Variants in ATP6V0D1 observed in about 807,000 individuals in gnomAD.
The protein encoded by ATP6V0D1 is V-type proton ATPase subunit d 1.
ATP6V0D1 carries 13 observed loss-of-function variants against 39.0 expected under a neutral mutation model. The observed-to-expected ratio is 0.33, with a 90% confidence interval of 0.22 to 0.53. The LOEUF is 0.53. Among genes scored for constraint, ATP6V0D1 ranks in the 20% least tolerant of loss-of-function variants. ATP6V0D1 has a pLI of 0.94. For synonymous variants in ATP6V0D1, 191 were observed against 191.2 expected (o/e 1.00, Z 0.01); for missense variants, 272 against 470.9 (o/e 0.58, Z 3.91).
intron 3 of ATP6V0D1, among the ~76,000 whole-genome samples, chr16:67,443,980 T>C (rs2041085267): frequency 6.6e-6 from 1 of 152,228 alleles, no homozygotes; most frequent in African/African-American, 2.4e-5. Context: ...AGGCAGGAAC[T>C]AGCACTGCCT....
Position 67,444,765 on chromosome 16 carries a change from A to T in ATP6V0D1, c.303-59T>A. Reference sequence around the variant, plus strand: ...AAGGTGGGGGCCGGGAAGTCCTGGCATAGCACCATGCCCTCGCCCGCCTGC... The same window carrying T: ...AAGGTGGGGGCCGGGAAGTCCTGGCTTAGCACCATGCCCTCGCCCGCCTGC... On this transcript the variant is annotated intron_variant, in intron 2 of 7. Transcript: ENST00000290949. This position sits in a 1 kb window ranked among gnomAD's most constrained non-coding sequence, Gnocchi z 4.8. 2.7e-6 allele frequency: 4 copies of T among 1,478,022 alleles called. No homozygotes were observed. Among genetic ancestry groups the T allele is most frequent in the Non-Finnish European group, 3.6e-6 (4 of 1,101,230 alleles). 91.6% of individuals were successfully genotyped at this position (1,478,022 alleles called of 1,614,324 possible). A position where few individuals can be genotyped will look rare whatever the true frequency, so the allele number is the denominator to read the frequency against.
intron 1 of ATP6V0D1, among the ~76,000 whole-genome samples, chr16:67,471,484 G>A (rs1328777166): frequency 4.6e-5 from 7 of 151,588 alleles, no homozygotes; most frequent in Non-Finnish European, 1.0e-4. Context: ...GCCACCACAC[G>A]TGGCCTATTA....
chr16:67,446,370 C>G (rs2041115443), intron 2 of ATP6V0D1, among the ~76,000 whole-genome samples: 1 of 152,218 alleles, frequency 6.6e-6, no homozygotes, highest in South Asian at 2.1e-4. Context: ...AGCCAGGCAA[C>G]TGCCCTCTCT....
At position 67,456,287 on chromosome 16, in the gene ATP6V0D1, T is replaced by G. The variant is rs547085140; in HGVS notation, c.131-2572A>C. 5.3e-5 allele frequency: 8 copies of G among 152,200 alleles called. No individual in the cohort carries two copies. The South Asian group carries it at 1.7e-3, about 32-fold the overall frequency. The allele number at this position is 152,200 out of a possible 1,614,324, so 9.4% of individuals were successfully genotyped here. On this transcript the variant is annotated intron_variant, in intron 1 of 7. Transcript: ENST00000290949. This position sits in a 1 kb window ranked among gnomAD's most constrained non-coding sequence, Gnocchi z 4.1. ...GCTGCGATTACAGGCGTGAACCACGTGTGCAAGTCTTTTTAAGAGAAACAT... is the reference window on the plus strand; with the variant it reads ...GCTGCGATTACAGGCGTGAACCACGGGTGCAAGTCTTTTTAAGAGAAACAT...
intron 1 of ATP6V0D1, among the ~76,000 whole-genome samples, chr16:67,472,110 A>T (rs2041378287): frequency 6.6e-6 from 1 of 152,082 alleles, no homozygotes; most frequent in Non-Finnish European, 1.5e-5. Flanking sequence ...TCATTCTCGC[A>T]GGCAGCAGCA....
chr16:67,460,012 G>A (rs942831536), intron 1 of ATP6V0D1, among the ~76,000 whole-genome samples: 1 of 152,242 alleles, frequency 6.6e-6, no homozygotes, highest in African/African-American at 2.4e-5. Flanking sequence ...TGCTTTTCCA[G>A]AGGTCACTCA....
intron 1 of ATP6V0D1, among the ~76,000 whole-genome samples, chr16:67,462,052 AAG>A (rs1412620616): frequency 6.6e-6 from 1 of 152,146 alleles, no homozygotes; most frequent in Non-Finnish European, 1.5e-5. Context: ...CCATGTGCCA[AAG>A]GGAGGGGCAG....
intron 1 of ATP6V0D1, among the ~76,000 whole-genome samples, chr16:67,472,603 C>T (rs2142332857): frequency 6.6e-6 from 1 of 152,346 alleles, no homozygotes; most frequent in Non-Finnish European, 1.5e-5. Flanking sequence ...CGCGGTGGCT[C>T]ATGCCTGTAA....
rs2040998243 is a variant in ATP6V0D1 at position 67,438,255 on chromosome 16, C to T, written c.*273G>A. Reference sequence around the variant, plus strand: ...GTGACATGCTTCTTAGATACATCAGCGGCTGTAACCACAGGGCTGAGGGGG... The same window carrying T: ...GTGACATGCTTCTTAGATACATCAGTGGCTGTAACCACAGGGCTGAGGGGG... On this transcript the variant is annotated 3_prime_UTR_variant, in exon 8 of 8. Coordinates refer to ENST00000290949, the MANE Select transcript of ATP6V0D1 (RefSeq NM_004691.5). 6 of 496,910 alleles carry T rather than the reference C, an allele frequency of 1.2e-5. No homozygotes were observed. Among genetic ancestry groups the T allele is most frequent in the South Asian group, 2.3e-5 (1 of 43,446 alleles). 30.8% of individuals were successfully genotyped at this position (496,910 alleles called of 1,614,324 possible).
Position 67,465,177 on chromosome 16 carries a change from A to G in ATP6V0D1, c.131-11462T>C, listed in dbSNP as rs117857843. Among the ~76,000 whole-genome samples, 170 of 152,324 alleles carry G rather than the reference A, an allele frequency of 1.1e-3. 2 individuals are homozygous for G. In the East Asian group the frequency reaches 0.024, roughly 21 times the overall value. On this transcript the variant is annotated intron_variant, in intron 1 of 7. Transcript: ENST00000290949. The stretch of plus-strand genomic sequence containing the variant: ...GATGAGGCAGACGCCAAGGAGCCCA[A>G]TGGAGAGGCCTCCAAACTGGGGTAC...
At chr16:67,452,918 GA>G (rs1308466718) in intron 2 of ATP6V0D1, among the ~76,000 whole-genome samples, 2 of 152,220 alleles carry the variant, frequency 1.3e-5, no homozygotes, top group Non-Finnish European at 2.9e-5. Flanking sequence ...GGGCAGCCAA[GA>G]GTCATAAGAA....
chr16:67,453,786 C>A lies in ATP6V0D1; in HGVS notation c.131-71G>T. Reference sequence around the variant, plus strand: ...CCCAAGGGTCCCAAGTCCCCATCCCCACCCCAACTCAGCCCCAGCTCTCCC... The same window carrying A: ...CCCAAGGGTCCCAAGTCCCCATCCCAACCCCAACTCAGCCCCAGCTCTCCC... On this transcript the variant is annotated intron_variant, in intron 1 of 7. Transcript: ENST00000290949. This position sits in a 1 kb window ranked among gnomAD's most constrained non-coding sequence, Gnocchi z 4.1. The A allele has an allele frequency of 6.8e-7, 1 of 1,464,650 alleles. No homozygotes were observed. The highest frequency in any genetic ancestry group is 1.7e-5 in the Admixed American group (1 of 57,146). 90.7% of individuals were successfully genotyped at this position (1,464,650 alleles called of 1,614,324 possible).
intron 1 of ATP6V0D1, chr16:67,454,761 CAGAA>C (rs2041220665): frequency 6.6e-6 from 1 of 152,218 alleles, no homozygotes; most frequent in African/African-American, 2.4e-5. Flanking sequence ...CTACTTTACT[CAGAA>C]AGAGTCCCTT....
chr16:67,473,800 G>A (rs2041394016), intron 1 of ATP6V0D1, among the ~76,000 whole-genome samples: 1 of 152,310 alleles, frequency 6.6e-6, no homozygotes, highest in East Asian at 1.9e-4. Context: ...TGGGATTACA[G>A]GCATGAGCCA....
intron 1 of ATP6V0D1, among the ~76,000 whole-genome samples, chr16:67,463,662 T>C (rs1287783437): frequency 6.6e-6 from 1 of 151,748 alleles, no homozygotes; most frequent in African/African-American, 2.4e-5. Context: ...ATCCATCCCA[T>C]ACCTTTCGCT....
intron 1 of ATP6V0D1, among the ~76,000 whole-genome samples, chr16:67,466,957 G>A (rs2041335496): frequency 6.6e-6 from 1 of 152,144 alleles, no homozygotes; most frequent in African/African-American, 2.4e-5. Flanking sequence ...AGAGGACGTG[G>A]AGGGAAGCAT....
At position 67,438,157 on chromosome 16, in the gene ATP6V0D1, G is replaced by T. The variant is rs1046547417; in HGVS notation, c.*371C>A. The T allele has an allele frequency of 1.9e-5, 5 of 268,772 alleles. No individual in the cohort carries two copies. In the Admixed American group the frequency reaches 2.5e-4, roughly 14 times the overall value. The allele number at this position is 268,772 out of a possible 1,614,324, so 16.6% of individuals were successfully genotyped here. ...GCCATGGCTCTGGGAGCGACCCACAGAAGGGAGAGGAGGCTCAAACTGCCC... is the reference window on the plus strand; with the variant it reads ...GCCATGGCTCTGGGAGCGACCCACATAAGGGAGAGGAGGCTCAAACTGCCC... On this transcript the variant is annotated 3_prime_UTR_variant, in exon 8 of 8. Coordinates refer to ENST00000290949, the MANE Select transcript of ATP6V0D1 (RefSeq NM_004691.5).
chr16:67,438,269 G>C lies in ATP6V0D1; in HGVS notation c.*259C>G, dbSNP rs2040998442. On this transcript the variant is annotated 3_prime_UTR_variant, in exon 8 of 8. Coordinates refer to ENST00000290949, the MANE Select transcript of ATP6V0D1 (RefSeq NM_004691.5). ...AGATACATCAGCGGCTGTAACCACA[G>C]GGCTGAGGGGGCCTCCTTGCTCTGG... The C allele has an allele frequency of 7.4e-6, 4 of 538,878 alleles. No homozygotes were observed. The highest frequency in any genetic ancestry group is 1.0e-5 in the Non-Finnish European group (3 of 301,096). The allele number at this position is 538,878 out of a possible 1,614,324, so 33.4% of individuals were successfully genotyped here.
rs1228523279 is a variant in ATP6V0D1 at position 67,453,694 on chromosome 16, C to T, written c.152G>A (p.Ser51Asn). Residue 51 changes from serine to asparagine, a missense_variant, in exon 2 of 8, where the codon AGC (serine) becomes AAC (asparagine). Transcript: ENST00000290949. The surrounding 1 kb of genome is among the most constrained non-coding windows in gnomAD (Gnocchi z 4.1). ...GGCCAGGAAGTTACCATAATCAGTG[C>T]TCTGCAGATGCAGTTTCAAGTCTGA... ...TLEDLKLHLQ[S>N]TDYGNFLANE... 6.2e-7 allele frequency: 1 copy of T among 1,614,032 alleles called. No individual in the cohort carries two copies. The highest frequency in any genetic ancestry group is 1.1e-5 in the South Asian group (1 of 91,072).
Sources: allele counts gnomAD v4.1 joint callset (sites outside exome capture counted in the v4.1 genomes callset), GRCh38; gene constraint gnomAD v4.1.1; non-coding constraint Gnocchi (gnomAD v3.1); transcripts MANE v1.5; gene names NCBI Gene and HGNC (gene_info 2026-07-23, HGNC 2026-07-21).